Variants in RSRC1 observed in about 807,000 individuals in gnomAD.
RSRC1 encodes arginine and serine rich coiled-coil 1, also known as serine/Arginine-related protein 53.
RSRC1 carries 39 observed loss-of-function variants against 49.1 expected under a neutral mutation model. The observed-to-expected ratio is 0.79, with a 90% CI of 0.61 to 1.04. The LOEUF is 1.04. RSRC1 is among the 50% of genes least tolerant of loss of function. RSRC1 has a pLI of 0.00. For synonymous variants in RSRC1, 143 were observed against 130.8 expected, an observed-to-expected ratio of 1.09 and a Z score of -0.63; for missense variants, 388 against 402.4, an observed-to-expected ratio of 0.96 and a Z score of 0.31.
chr3:158,409,922 CTT>C (rs35721088), intron 6 of RSRC1, among the ~76,000 whole-genome samples: 2 of 149,404 alleles, frequency 1.3e-5, no homozygotes, highest in South Asian at 4.2e-4. Flanking sequence ...TTTCAGAATT[CTT>C]TTTTTTTTAG....
chr3:158,476,669 A>G (rs1738382349), intron 7 of RSRC1, among the ~76,000 whole-genome samples: 2 of 152,176 alleles, frequency 1.3e-5, no homozygotes, highest in South Asian at 4.1e-4. Flanking sequence ...AGAAAAAAAG[A>G]CTTCTTTCAA....
chr3:158,163,881 T>C (rs1286225251), intron 3 of RSRC1, among the ~76,000 whole-genome samples: 4 of 151,910 alleles, frequency 2.6e-5, no homozygotes, highest in Admixed American at 2.0e-4. Flanking sequence ...GAAAAGTAAA[T>C]AGAACGTAGA....
intron 4 of RSRC1, among the ~76,000 whole-genome samples, chr3:158,259,038 T>C (rs910168297): frequency 6.6e-6 from 1 of 152,220 alleles, no homozygotes; most frequent in African/African-American, 2.4e-5. Flanking sequence ...TGTCTATCTT[T>C]CCAGGATTGG....
chr3:158,461,434 G>A (rs549169218), intron 7 of RSRC1, among the ~76,000 whole-genome samples: 34 of 151,882 alleles, frequency 2.2e-4, no homozygotes, highest in Non-Finnish European at 4.6e-4. Flanking sequence ...ATAGTCATAT[G>A]AAATCCATGT....
At chr3:158,248,401 C>A (rs1209414699) in intron 4 of RSRC1, among the ~76,000 whole-genome samples, 3 of 152,072 alleles carry the variant, frequency 2.0e-5, no homozygotes, top group African/African-American at 7.2e-5. Context: ...ATATTCTATT[C>A]CATAAATGTA....
chr3:158,146,636 G>A (rs1484842276), intron 3 of RSRC1, among the ~76,000 whole-genome samples: 1 of 152,098 alleles, frequency 6.6e-6, no homozygotes, highest in African/African-American at 2.4e-5. Flanking sequence ...GGATGATGCT[G>A]GCCTCATAAA....
At chr3:158,295,913 T>C (rs1353495697) in intron 4 of RSRC1, among the ~76,000 whole-genome samples, 1 of 152,086 alleles carries the variant, frequency 6.6e-6, no homozygotes, top group African/African-American at 2.4e-5. Flanking sequence ...GAAATGAAGC[T>C]ATTTACAGTC....
At chr3:158,325,156 A>G (rs1466596706) in intron 5 of RSRC1, among the ~76,000 whole-genome samples, 1 of 151,918 alleles carries the variant, frequency 6.6e-6, no homozygotes, top group Non-Finnish European at 1.5e-5. Flanking sequence ...AGATTGGAAA[A>G]ATTTTCTCCC....
At chr3:158,446,051 T>C (rs190871714) in intron 6 of RSRC1, among the ~76,000 whole-genome samples, 1 of 152,274 alleles carries the variant, frequency 6.6e-6, no homozygotes, top group East Asian at 1.9e-4. Context: ...CCATAATTAA[T>C]GCCTACTTGA....
chr3:158,257,551 G>T (rs375250401), intron 4 of RSRC1, among the ~76,000 whole-genome samples: 3 of 151,924 alleles, frequency 2.0e-5, no homozygotes, highest in African/African-American at 7.3e-5. Context: ...TATGTTTCTT[G>T]TAGGCAGCAG....
intron 6 of RSRC1, among the ~76,000 whole-genome samples, chr3:158,440,919 G>A (rs987974143): frequency 6.6e-6 from 1 of 151,964 alleles, no homozygotes; most frequent in Non-Finnish European, 1.5e-5. Flanking sequence ...TCCAGCCTGG[G>A]CAACATGAGC....
Position 158,298,010 on chromosome 3 carries a change from T to G in RSRC1, c.495-29T>G. 2.0e-6 allele frequency: 3 copies of G among 1,537,770 alleles called. No individual in the cohort carries two copies. In the Admixed American group the frequency reaches 5.1e-5, roughly 26 times the overall value. Reference sequence around the variant, plus strand: ...TTAGAGCAGACAAGGATTTAGCAACTATTTAGAACTTTTACTCTTCTATTT... The same window carrying G: ...TTAGAGCAGACAAGGATTTAGCAACGATTTAGAACTTTTACTCTTCTATTT... On this transcript the variant is annotated intron_variant, in intron 4 of 9. Coordinates refer to ENST00000611884, the MANE Select transcript of RSRC1 (RefSeq NM_001271838.2).
At chr3:158,274,492 C>T (rs1208097037) in intron 4 of RSRC1, among the ~76,000 whole-genome samples, 1 of 151,680 alleles carries the variant, frequency 6.6e-6, no homozygotes, top group East Asian at 1.9e-4. Flanking sequence ...GTCTCAAGAA[C>T]TTTTATGAAC....
intron 3 of RSRC1, among the ~76,000 whole-genome samples, chr3:158,187,608 T>C (rs1720002059): frequency 6.6e-6 from 1 of 152,070 alleles, no homozygotes; most frequent in East Asian, 1.9e-4. Context: ...AAGTAGAGGC[T>C]TGAGCCTCTG....
At chr3:158,362,017 C>G (rs1223402454) in intron 6 of RSRC1, among the ~76,000 whole-genome samples, 1 of 152,106 alleles carries the variant, frequency 6.6e-6, no homozygotes, top group African/African-American at 2.4e-5. Flanking sequence ...ACTTATTTTT[C>G]CAATGAAATA....
intron 5 of RSRC1, among the ~76,000 whole-genome samples, chr3:158,352,429 G>T (rs899224163): frequency 6.6e-6 from 1 of 151,824 alleles, no homozygotes; most frequent in Non-Finnish European, 1.5e-5. Context: ...TGAATGTTGG[G>T]TATACATTAT....
intron 3 of RSRC1, among the ~76,000 whole-genome samples, chr3:158,138,852 T>G (rs781773363): frequency 6.6e-6 from 1 of 152,178 alleles, no homozygotes; most frequent in African/African-American, 2.4e-5. Flanking sequence ...ACTTAAAATA[T>G]TTAAGTAGTT....
chr3:158,343,178 C>T (rs888393867), intron 5 of RSRC1, among the ~76,000 whole-genome samples: 2 of 152,158 alleles, frequency 1.3e-5, no homozygotes, highest in African/African-American at 4.8e-5. Context: ...TTCCTGTTCT[C>T]AACAACCTTC....
At chr3:158,326,754 A>G (rs1729178753) in intron 5 of RSRC1, among the ~76,000 whole-genome samples, 1 of 152,192 alleles carries the variant, frequency 6.6e-6, no homozygotes. Flanking sequence ...AAAATGAGTT[A>G]GGGAGGATTC....
Sources: allele counts gnomAD v4.1 joint callset (sites outside exome capture counted in the v4.1 genomes callset), GRCh38; gene constraint gnomAD v4.1.1; transcripts MANE v1.5; gene names NCBI Gene and HGNC (gene_info 2026-07-23, HGNC 2026-07-21).